The following GALNT17 variants were observed in gnomAD, a reference collection of about 807,000 sequenced individuals.
GALNT17 encodes polypeptide N-acetylgalactosaminyltransferase 17, also known as UDP-GalNAc:polypeptide N-acetylgalactosaminyltransferase-like 3.
GALNT17 carries 29 observed loss-of-function variants against 63.7 expected under a neutral mutation model. The ratio of observed to expected loss-of-function variants is 0.46; its 90% confidence interval spans 0.34 to 0.62. The LOEUF is 0.62. GALNT17 is among the 20% of genes least tolerant of loss of function. The pLI is 0.01. For synonymous variants in GALNT17, 305 were observed against 318.3 expected (o/e 0.96, Z 0.45); for missense variants, 603 against 799.6 (o/e 0.75, Z 2.97).
chr7:71,561,116 G>A (rs187923953), intron 5 of GALNT17, among the ~76,000 whole-genome samples: 186 of 152,194 alleles, frequency 1.2e-3, no homozygotes, highest in African/African-American at 3.2e-3. Context: ...GGGTTCAAGC[G>A]ATTCGCCTGA....
intron 5 of GALNT17, among the ~76,000 whole-genome samples, chr7:71,488,844 A>C (rs1318271042): frequency 6.9e-6 from 1 of 144,062 alleles, no homozygotes; most frequent in African/African-American, 2.6e-5. Flanking sequence ...AACCTCCCAA[A>C]GTGCTGGGAT....
At chr7:71,701,870 CATATATATAT>C in intron 9 of GALNT17, among the ~76,000 whole-genome samples, 1 of 46,756 alleles carries the variant, frequency 2.1e-5, no homozygotes, top group Non-Finnish European at 5.8e-5. Context: ...TATATATATA[CATATATATAT>C]GTATATATAT....
chr7:71,315,007 A>G (rs1003137679), intron 1 of GALNT17, among the ~76,000 whole-genome samples: 1 of 152,160 alleles, frequency 6.6e-6, no homozygotes, highest in African/African-American at 2.4e-5. Context: ...CTGAAAACAA[A>G]CATTGTACCC....
chr7:71,668,042 T>C (rs1584123814), intron 7 of GALNT17, among the ~76,000 whole-genome samples: 1 of 151,996 alleles, frequency 6.6e-6, no homozygotes, highest in Non-Finnish European at 1.5e-5. Flanking sequence ...CAAGCAATCC[T>C]CCCACCTCAG....
At chr7:71,442,401 G>A (rs763740365) in intron 5 of GALNT17, among the ~76,000 whole-genome samples, 133 of 152,114 alleles carry the variant, frequency 8.7e-4, no homozygotes, top group African/African-American at 1.5e-3. Flanking sequence ...GGGTTTCACC[G>A]TGTTAGCCAG....
At chr7:71,388,465 C>T in intron 3 of GALNT17, 64 bp downstream of exon 3, 2 of 1,552,042 alleles carry the variant, frequency 1.3e-6, no homozygotes, top group South Asian at 2.4e-5. Context: ...CACTTTCATT[C>T]CAACGCGAGC....
chr7:71,561,718 G>A (rs1427534871), intron 5 of GALNT17, among the ~76,000 whole-genome samples: 2 of 152,126 alleles, frequency 1.3e-5, no homozygotes, highest in African/African-American at 2.4e-5. Context: ...GTCAAGAGAT[G>A]ACAGGTGTCA....
At chr7:71,680,879 C>CTTTTCTTCCTTCCTTCA (rs1491474093) in intron 9 of GALNT17, among the ~76,000 whole-genome samples, 3 of 85,996 alleles carry the variant, frequency 3.5e-5, no homozygotes, top group African/African-American at 1.0e-4. Context: ...TCCTTCCTTC[C>CTTTTCTTCCTTCCTTCA]TTTTCTTCCT....
At chr7:71,595,660 GACACACACACACACACACACACACAC>G (rs61389262) in intron 6 of GALNT17, among the ~76,000 whole-genome samples, 1 of 142,694 alleles carries the variant, frequency 7.0e-6, no homozygotes, top group Non-Finnish European at 1.5e-5. Flanking sequence ...GAGAGACTGA[GACACACACACACACACACACACACAC>G]ACACACACAC....
intron 1 of GALNT17, among the ~76,000 whole-genome samples, chr7:71,156,013 A>G (rs923024857): frequency 6.6e-6 from 1 of 151,816 alleles, no homozygotes; most frequent in African/African-American, 2.4e-5. Context: ...CTTGTCCAAC[A>G]TGGAGAAACC....
intron 6 of GALNT17, among the ~76,000 whole-genome samples, chr7:71,625,138 T>TTGTATTTA (rs149573608): frequency 6.7e-6 from 1 of 149,682 alleles, no homozygotes; most frequent in Non-Finnish European, 1.5e-5. Flanking sequence ...CAGCCTTTGT[T>TTGTATTTA]TTTATTTATT....
At chr7:71,154,454 G>A (rs1281307637) in intron 1 of GALNT17, among the ~76,000 whole-genome samples, 1 of 152,140 alleles carries the variant, frequency 6.6e-6, no homozygotes, top group African/African-American at 2.4e-5. Flanking sequence ...CTTTTTGGGT[G>A]GTTTGTTGTA....
chr7:71,706,325 T>C (rs1182135154), intron 9 of GALNT17, among the ~76,000 whole-genome samples: 2 of 152,186 alleles, frequency 1.3e-5, no homozygotes, highest in African/African-American at 4.8e-5. Flanking sequence ...GGTCCTGGCA[T>C]TCTAGGTCTC....
intron 1 of GALNT17, among the ~76,000 whole-genome samples, chr7:71,321,278 A>C (rs1036352400): frequency 8.5e-5 from 13 of 152,354 alleles, no homozygotes; most frequent in Admixed American, 3.3e-4. Context: ...ATCTGCTCTG[A>C]GAAAATTCTG....
intron 1 of GALNT17, among the ~76,000 whole-genome samples, chr7:71,140,847 CCTT>C (rs1445212594): frequency 6.6e-6 from 1 of 151,522 alleles, no homozygotes; most frequent in East Asian, 2.0e-4. Context: ...CATAGCAAGA[CCTT>C]CTCTCTACAA....
intron 1 of GALNT17, among the ~76,000 whole-genome samples, chr7:71,238,079 A>G (rs988603312): frequency 3.3e-5 from 5 of 152,210 alleles, no homozygotes; most frequent in African/African-American, 1.2e-4. Flanking sequence ...CCACTCCACT[A>G]TTTAATGTAT....
chr7:71,416,379 A>G (rs925286540), intron 4 of GALNT17, among the ~76,000 whole-genome samples: 5 of 152,196 alleles, frequency 3.3e-5, no homozygotes, highest in Admixed American at 6.5e-5. Context: ...TAGGAGCCCA[A>G]GGTGGGTGGA....
At position 71,132,701 on chromosome 7, in the gene GALNT17, C is replaced by T. The variant is rs549622644; in HGVS notation, c.-102C>T. 4.8e-5 allele frequency: 47 copies of T among 988,816 alleles called. 1 individual carries two copies. The Admixed American group carries it at 1.2e-3, about 26-fold the overall frequency. The allele number at this position is 988,816 out of a possible 1,614,324, so 61.3% of individuals were successfully genotyped here. On this transcript the variant is annotated 5_prime_UTR_variant, in exon 1 of 11. Coordinates refer to ENST00000333538, the MANE Select transcript of GALNT17 (RefSeq NM_022479.3). Reference sequence around the variant, plus strand: ...GACGAGCAGGGGCTTGGATCCCTGCCGGCCGTCTGGTGTGTGAGGCTTGCA... The same window carrying T: ...GACGAGCAGGGGCTTGGATCCCTGCTGGCCGTCTGGTGTGTGAGGCTTGCA...
chr7:71,457,797 C>G (rs61080489), intron 5 of GALNT17, among the ~76,000 whole-genome samples: 27,636 of 152,054 alleles, frequency 0.18, 3,330 homozygotes, highest in East Asian at 0.55. Context: ...GTATCTTGTG[C>G]CGACCTCTTA....
Sources: allele counts gnomAD v4.1 joint callset (sites outside exome capture counted in the v4.1 genomes callset), GRCh38; gene constraint gnomAD v4.1.1; transcripts MANE v1.5; gene names NCBI Gene and HGNC (gene_info 2026-07-23, HGNC 2026-07-21).